LARP1B: variants seen among roughly 807,000 people sequenced by gnomAD.
The protein encoded by LARP1B is La ribonucleoprotein 1B, also known as la-related protein 1B.
LARP1B carries 76 observed loss-of-function variants against 114.2 expected under a neutral mutation model. That is an observed-to-expected ratio of 0.67 (90% CI 0.55 to 0.81). LARP1B has a LOEUF of 0.81. LARP1B is among the 30% of genes least tolerant of loss of function. LARP1B has a pLI of 0.00. For synonymous variants in LARP1B, 345 were observed against 348.0 expected, an observed-to-expected ratio of 0.99 and a Z score of 0.10; for missense variants, 1,014 against 1,075.8, an observed-to-expected ratio of 0.94 and a Z score of 0.80.
intron 8 of LARP1B, among the ~76,000 whole-genome samples, chr4:128,103,821 C>CA (rs1223192897): frequency 6.6e-6 from 1 of 152,022 alleles, no homozygotes; most frequent in Non-Finnish European, 1.5e-5. Context: ...CTCGGCCTCC[C>CA]AAAGTGCTGG....
intron 10 of LARP1B, among the ~76,000 whole-genome samples, chr4:128,117,144 C>T (rs947572973): frequency 8.6e-5 from 13 of 151,838 alleles, no homozygotes; most frequent in South Asian, 2.1e-4. Context: ...CCTCCTGATC[C>T]GCCTGCCTTA....
chr4:128,093,797 G>A (rs1385109031), intron 7 of LARP1B, among the ~76,000 whole-genome samples: 1 of 144,572 alleles, frequency 6.9e-6, no homozygotes, highest in African/African-American at 2.6e-5. Context: ...TGCAACGTCC[G>A]CCTCCCAGGT....
intron 8 of LARP1B, 138 bp from the exon 9 acceptor site, chr4:128,107,000 TG>T: frequency 3.1e-6 from 2 of 649,758 alleles, no homozygotes; most frequent in South Asian, 4.1e-5. Context: ...GTGTTCTATG[TG>T]GTTAACTTAT....
At chr4:128,156,370 G>A (rs1337042571) in intron 11 of LARP1B, among the ~76,000 whole-genome samples, 5 of 152,090 alleles carry the variant, frequency 3.3e-5, no homozygotes, top group African/African-American at 4.8e-5. Flanking sequence ...GAGCCAGCTT[G>A]GGGCCACCAA....
At chr4:128,062,028 CGCCGTT>C (rs946530634) in intron 1 of LARP1B, 198 of 985,128 alleles carry the variant, frequency 2.0e-4, no homozygotes, top group South Asian at 2.3e-4. Context: ...CCGCCGCCGT[CGCCGTT>C]GCCGCCGTTG....
chr4:128,178,104 A>G (rs900119650), intron 13 of LARP1B, among the ~76,000 whole-genome samples: 1 of 150,192 alleles, frequency 6.7e-6, no homozygotes. Context: ...AATATTACAT[A>G]TATGTAATAA....
At chr4:128,083,759 G>GC (rs1263883844) in intron 5 of LARP1B, among the ~76,000 whole-genome samples, 2 of 145,368 alleles carry the variant, frequency 1.4e-5, no homozygotes, top group Non-Finnish European at 1.5e-5. Context: ...GGGCAGAGGC[G>GC]CCCCTCACCT....
At chr4:128,131,907 C>T (rs1264891136) in intron 11 of LARP1B, among the ~76,000 whole-genome samples, 3 of 152,144 alleles carry the variant, frequency 2.0e-5, no homozygotes, top group East Asian at 1.9e-4. Flanking sequence ...GACAGATATA[C>T]TGACAAGTGT....
chr4:128,152,613 ATATGTCTG>A (rs1407823284), intron 11 of LARP1B, among the ~76,000 whole-genome samples: 5 of 150,914 alleles, frequency 3.3e-5, no homozygotes, highest in Non-Finnish European at 7.4e-5. Context: ...GTTATTCCCT[ATATGTCTG>A]TTAGTATTCT....
At chr4:128,136,315 G>GAAAAAA (rs763929976) in intron 11 of LARP1B, among the ~76,000 whole-genome samples, 1 of 111,776 alleles carries the variant, frequency 8.9e-6, no homozygotes, top group Non-Finnish European at 1.9e-5. Context: ...ACAGTCTCAA[G>GAAAAAA]AAAAACAAAA....
Position 128,197,422 on chromosome 4 carries a change from G to T in LARP1B, c.2004-2017G>T, listed in dbSNP as rs373711326. Among the ~76,000 whole-genome samples the T allele has an allele frequency of 1.0e-3, 152 of 152,260 alleles. No individual in the cohort carries two copies. The South Asian group carries it at 0.012, about 12-fold the overall frequency. ...AAACTCATTTTTTTATCAGCTGGGC[G>T]CAGTAGCTTACGCCTGTAATCCCAG... On this transcript the variant is annotated intron_variant, in intron 15 of 19. Coordinates refer to ENST00000326639, the MANE Select transcript of LARP1B (RefSeq NM_018078.4).
intron 6 of LARP1B, chr4:128,220,305 T>C: frequency 2.7e-6 from 2 of 742,342 alleles, no homozygotes; most frequent in Non-Finnish European, 3.3e-6. Context: ...TTCCTTCAAC[T>C]AATTTCTTGG....
chr4:128,098,224 T>TC lies in LARP1B; in HGVS notation c.708dup (p.Phe237LeufsTer8), dbSNP rs953121573. The TC allele has an allele frequency of 1.2e-6, 2 of 1,613,160 alleles. No individual in the cohort carries two copies. Among genetic ancestry groups the TC allele is most frequent in the Non-Finnish European group, 1.7e-6 (2 of 1,179,254 alleles). On this transcript the variant is annotated frameshift_variant, in exon 8 of 20. Transcript: ENST00000326639. LOFTEE classifies it high-confidence loss of function. The stretch of plus-strand genomic sequence containing the variant: ...AGTGTAGAAAATTTGGAACGAGACT[T>TC]CTTTCTTCGGGGAAAGATGGATGAA...
chr4:128,128,950 G>A (rs1336366317), intron 11 of LARP1B, among the ~76,000 whole-genome samples: 1 of 152,000 alleles, frequency 6.6e-6, no homozygotes, highest in Non-Finnish European at 1.5e-5. Flanking sequence ...AGATCACGAG[G>A]TCAGGAGATC....
chr4:128,098,063 C>A, intron 7 of LARP1B, 123 bp from the exon 8 acceptor site: 1 of 720,158 alleles, frequency 1.4e-6, no homozygotes. Flanking sequence ...TAGAGCTATA[C>A]ATATTGTTAA....
intron 15 of LARP1B, among the ~76,000 whole-genome samples, chr4:128,197,983 C>A (rs1754800972): frequency 7.1e-6 from 1 of 141,622 alleles, no homozygotes; most frequent in Non-Finnish European, 1.5e-5. Context: ...TGCCCGGGTT[C>A]AAGTGATTTT....
intron 9 of LARP1B, chr4:128,109,012 A>G (rs1334722675): frequency 5.3e-6 from 1 of 190,424 alleles, no homozygotes; most frequent in African/African-American, 2.4e-5. Flanking sequence ...GGTTATTTAG[A>G]TTACATATCA....
At chr4:128,095,331 A>T (rs1252704578) in intron 7 of LARP1B, among the ~76,000 whole-genome samples, 1 of 151,768 alleles carries the variant, frequency 6.6e-6, no homozygotes, top group Non-Finnish European at 1.5e-5. Flanking sequence ...TCTACTAAGA[A>T]TACAAAAATT....
Position 128,211,951 on chromosome 4 carries a change from A to C in LARP1B, c.*1898A>C, listed in dbSNP as rs1759050508. ...GAAATTTAGAAAAGCACAAAGAAGAAAATAAAGTACTTGTTATAAAAAGAA... is the reference window on the plus strand; with the variant it reads ...GAAATTTAGAAAAGCACAAAGAAGACAATAAAGTACTTGTTATAAAAAGAA... On this transcript the variant is annotated 3_prime_UTR_variant, in exon 20 of 20. Coordinates refer to ENST00000326639, the MANE Select transcript of LARP1B (RefSeq NM_018078.4). 1 of 233,218 alleles carries C rather than the reference A, an allele frequency of 4.3e-6. No homozygotes were observed. The highest frequency in any genetic ancestry group is 7.0e-6 in the Non-Finnish European group (1 of 142,202). 14.4% of individuals were successfully genotyped at this position (233,218 alleles called of 1,614,324 possible). A position where few individuals can be genotyped will look rare whatever the true frequency, so the allele number is the denominator to read the frequency against.
Sources: allele counts gnomAD v4.1 joint callset (sites outside exome capture counted in the v4.1 genomes callset), GRCh38; gene constraint gnomAD v4.1.1; transcripts MANE v1.5; gene names NCBI Gene and HGNC (gene_info 2026-07-23, HGNC 2026-07-21).